The following TRIO variants were observed in gnomAD, a reference collection of about 807,000 sequenced individuals.
The protein encoded by TRIO is trio Rho guanine nucleotide exchange factor.
In TRIO, 58 loss-of-function variants were observed where a neutral mutation model predicts 351.9. The observed-to-expected ratio is 0.16, with a 90% confidence interval of 0.13 to 0.21. The LOEUF is 0.21. TRIO is among the 10% of genes least tolerant of loss of function. The pLI, the probability that TRIO is intolerant of heterozygous loss-of-function variation, is 1.00. For synonymous variants in TRIO, 1,758 were observed against 1,595.7 expected, an observed-to-expected ratio of 1.10 and a Z score of -2.42; for missense variants, 3,201 against 4,027.8, an observed-to-expected ratio of 0.79 and a Z score of 5.56.
intron 25 of TRIO, 73 bp from the exon 26 acceptor site, chr5:14,390,158 G>T: frequency 7.1e-7 from 1 of 1,403,374 alleles, no homozygotes; most frequent in Non-Finnish European, 9.9e-7. Flanking sequence ...AGATTTCTCA[G>T]TTTCTGGCAT....
intron 1 of TRIO, among the ~76,000 whole-genome samples, chr5:14,211,215 A>G (rs1791871087): frequency 6.6e-6 from 1 of 152,262 alleles, no homozygotes; most frequent in Non-Finnish European, 1.5e-5. Context: ...CAAAAAGAGG[A>G]GAATCAGAGA....
At chr5:14,196,679 G>A (rs1581327171) in intron 1 of TRIO, among the ~76,000 whole-genome samples, 1 of 152,130 alleles carries the variant, frequency 6.6e-6, no homozygotes, top group African/African-American at 2.4e-5. Flanking sequence ...GAGGCACCTG[G>A]TGCCTGCGAA....
intron 45 of TRIO, among the ~76,000 whole-genome samples, chr5:14,482,111 G>C (rs1389849751): frequency 3.3e-5 from 5 of 152,118 alleles, no homozygotes; most frequent in African/African-American, 1.2e-4. Flanking sequence ...TTAAAAATTT[G>C]ACTACGGAGT....
At chr5:14,281,967 A>G (rs1236384447) in intron 3 of TRIO, among the ~76,000 whole-genome samples, 2 of 152,216 alleles carry the variant, frequency 1.3e-5, no homozygotes, top group African/African-American at 2.4e-5. Flanking sequence ...CACAAGCGGG[A>G]CAAGGCAGCC....
At chr5:14,359,596 C>T (rs1463330201) in intron 13 of TRIO, 65 bp downstream of exon 13, 7 of 1,566,668 alleles carry the variant, frequency 4.5e-6, no homozygotes, top group African/African-American at 1.3e-5. Context: ...ACAGCACCGG[C>T]GCCCTCTTGT....
At chr5:14,181,406 C>T (rs1368000204) in intron 1 of TRIO, among the ~76,000 whole-genome samples, 3 of 152,192 alleles carry the variant, frequency 2.0e-5, no homozygotes, top group South Asian at 2.1e-4. Context: ...TATCTGTCAC[C>T]GTCATCTGTT....
At chr5:14,299,366 A>G (rs758311734) in intron 7 of TRIO, among the ~76,000 whole-genome samples, 1 of 152,182 alleles carries the variant, frequency 6.6e-6, no homozygotes, top group Non-Finnish European at 1.5e-5. Flanking sequence ...GAAGAAGCCA[A>G]ATAGGAGTGA....
chr5:14,157,949 A>G (rs567148301), intron 1 of TRIO, among the ~76,000 whole-genome samples: 5 of 152,134 alleles, frequency 3.3e-5, no homozygotes, highest in Non-Finnish European at 5.9e-5. Flanking sequence ...TTGGGGAGAC[A>G]GTCTCAGTTT....
At chr5:14,208,076 G>A (rs1158464678) in intron 1 of TRIO, among the ~76,000 whole-genome samples, 8 of 152,216 alleles carry the variant, frequency 5.3e-5, no homozygotes, top group African/African-American at 1.4e-4. Context: ...AGGTTGTACA[G>A]TCAGTTTGGA....
intron 10 of TRIO, 89 bp from the exon 11 acceptor site, chr5:14,336,447 T>C: frequency 2.3e-6 from 3 of 1,299,158 alleles, no homozygotes; most frequent in South Asian, 1.4e-5. Flanking sequence ...ATATCACAAA[T>C]TGACTGTGTT....
intron 34 of TRIO, among the ~76,000 whole-genome samples, chr5:14,434,658 C>G (rs868067785): frequency 6.6e-6 from 1 of 152,216 alleles, no homozygotes; most frequent in African/African-American, 2.4e-5. Context: ...TAACTAAGCC[C>G]TGGGCCTTAT....
At chr5:14,402,759 G>A (rs1036783591) in intron 31 of TRIO, among the ~76,000 whole-genome samples, 4 of 151,906 alleles carry the variant, frequency 2.6e-5, no homozygotes, top group African/African-American at 9.7e-5. Context: ...AGATGGTGGT[G>A]GCATAGACTT....
At chr5:14,417,173 T>C (rs1487108549) in intron 33 of TRIO, among the ~76,000 whole-genome samples, 1 of 152,232 alleles carries the variant, frequency 6.6e-6, no homozygotes, top group Non-Finnish European at 1.5e-5. Context: ...CATTAGCATC[T>C]TTGACTGTTC....
intron 20 of TRIO, among the ~76,000 whole-genome samples, chr5:14,380,336 TTCGCTCCTCGCTCC>T (rs1189896622): frequency 1.3e-3 from 183 of 141,162 alleles, no homozygotes; most frequent in African/African-American, 5.0e-3. Context: ...CGCCTCCTCC[TTCGCTCCTCGCTCC>T]TCGCTCCTCC....
At chr5:14,296,086 C>G (rs1737336049) in intron 6 of TRIO, among the ~76,000 whole-genome samples, 1 of 152,014 alleles carries the variant, frequency 6.6e-6, no homozygotes, top group South Asian at 2.1e-4. Flanking sequence ...GGTCCTTGTT[C>G]GAGGCAGTGG....
In TRIO at chr5:14,381,229, G is replaced by C. The variant is rs764481461; in HGVS notation, c.3547G>C (p.Glu1183Gln). 2 of 1,613,108 alleles carry C rather than the reference G, an allele frequency of 1.2e-6. No individual in the cohort carries two copies. ...QHTQELLKEH[E>Q]EFQITAKQTK... ...CACCCAGGAGCTCCTGAAAGAGCAC[G>C]AGGAGTTCCAGATAACTGCAAAGGT... Residue 1183 changes from glutamate to glutamine, a missense_variant, in exon 21 of 57, where the codon GAG (glutamate) becomes CAG (glutamine). Physicochemically the swap from Glu to Gln is conservative, Grantham distance 29. This residue lies in a region of TRIO where 201 missense variants were observed against 266.5 expected (regional missense o/e 0.75). Transcript: ENST00000344204.
chr5:14,483,655 G>A (rs1474527650), intron 46 of TRIO, among the ~76,000 whole-genome samples: 1 of 152,174 alleles, frequency 6.6e-6, no homozygotes, highest in South Asian at 2.1e-4. Context: ...CAGGCTGGGG[G>A]CCTCTGCCCA....
Position 14,287,068 on chromosome 5 carries a change from C to T in TRIO, c.540+5C>T, listed in dbSNP as rs1423834743. On this transcript the variant is annotated splice_donor_5th_base_variant and intron_variant, in intron 4 of 56. Transcript: ENST00000344204. ...AGTTCTAAATTTGAATTTGAGGTAA[C>T]TTCCCCCGTGTGGCTAGACCCACTA... 1.2e-6 allele frequency: 2 copies of T among 1,613,552 alleles called. No homozygotes were observed. The highest frequency in any genetic ancestry group is 2.7e-5 in the African/African-American group (2 of 74,922).
intron 8 of TRIO, among the ~76,000 whole-genome samples, chr5:14,315,334 C>T (rs1739288269): frequency 6.6e-6 from 1 of 150,774 alleles, no homozygotes; most frequent in African/African-American, 2.5e-5. Context: ...CTCACTGCAA[C>T]TTTCATCTCC....
Sources: gnomAD v4.1 joint callset for allele counts (sites outside exome capture counted in the v4.1 genomes callset) on GRCh38, gnomAD v4.1.1 for gene constraint, gnomAD v4.1.1 regional missense constraint, MANE v1.5 for transcripts, NCBI Gene and HGNC (gene_info 2026-07-23, HGNC 2026-07-21) for gene names.